The following CHI3L1 variants were observed in gnomAD, a reference collection of about 807,000 sequenced individuals.
The protein encoded by CHI3L1 is chitinase 3 like 1, also known as chitinase-3-like protein 1.
In CHI3L1, 30 loss-of-function variants were observed where a neutral mutation model predicts 40.7. The ratio of observed to expected loss-of-function variants is 0.74; its 90% CI spans 0.55 to 1.00. The LOEUF (loss-of-function observed/expected upper bound fraction) is 1.00. Among genes scored for constraint, CHI3L1 ranks in the 50% least tolerant of loss-of-function variants. The probability of loss-of-function intolerance (pLI) is 0.00; values close to 1 mark genes in which losing one functional copy is unlikely to be tolerated. For missense variants in CHI3L1, 493 were observed against 492.2 expected, an observed-to-expected ratio of 1.00 and a Z score of -0.01; for synonymous variants, 210 against 192.1, an observed-to-expected ratio of 1.09 and a Z score of -0.77.
At chr1:203,185,501 A>T in intron 2 of CHI3L1, 116 bp from the exon 3 acceptor site, 1 of 802,718 alleles carries the variant, frequency 1.2e-6, no homozygotes, top group South Asian at 1.6e-5. Flanking sequence ...TGGGGTGCAG[A>T]TTGTGAGCAA....
chr1:203,186,554 G>T, intron 1 of CHI3L1, 45 bp downstream of exon 1: 1 of 1,613,318 alleles, frequency 6.2e-7, no homozygotes. Context: ...GTCTGGGCCT[G>T]AAAACCCACA....
intron 7 of CHI3L1, among the ~76,000 whole-genome samples, chr1:203,180,945 C>T (rs2275351): frequency 0.28 from 42,973 of 152,162 alleles, 8,154 homozygotes; most frequent in African/African-American, 0.52. Context: ...TCTCCCCATT[C>T]GGCCCCCTGC....
rs1453974224 is a variant in CHI3L1 at position 203,185,332 on chromosome 1, C to T, written c.109G>A (p.Gly37Ser). The change falls in exon 3 of 10, where the codon GGC becomes AGC. Residue 37 changes from glycine (G) to serine (S), a missense_variant. Coordinates refer to ENST00000255409, the MANE Select transcript of CHI3L1 (RefSeq NM_001276.4). Reference sequence around the variant, plus strand: ...GCATCTGGGAAGCAGCTCCCATCGCCTTCCCGGTACTGGGACCAGCTGGTG... The same window carrying T: ...GCATCTGGGAAGCAGCTCCCATCGCTTTCCCGGTACTGGGACCAGCTGGTG... ...YYTSWSQYRE[G>S]DGSCFPDALD... 3.1e-6 allele frequency: 5 copies of T among 1,614,210 alleles called. No homozygotes were observed. Among genetic ancestry groups the T allele is most frequent in the Middle Eastern group, 1.7e-4 (1 of 6,056 alleles).
rs1655902289 is a variant in CHI3L1 at position 203,180,096 on chromosome 1, T to C, written c.895-219A>G. Reference sequence around the variant, plus strand: ...CCTTGGCCCTGCTTAGCTTCTTCCATTTAAACAGAGATGTGAGGCCTGCTG... The same window carrying C: ...CCTTGGCCCTGCTTAGCTTCTTCCACTTAAACAGAGATGTGAGGCCTGCTG... On this transcript the variant is annotated intron_variant, in intron 8 of 9. Transcript: ENST00000255409. 1.7e-5 allele frequency: 10 copies of C among 586,862 alleles called. No individual in the cohort carries two copies. In the South Asian group the frequency reaches 1.8e-4, roughly 11 times the overall value. 36.4% of individuals were successfully genotyped at this position (586,862 alleles called of 1,614,324 possible). A position where few individuals can be genotyped will look rare whatever the true frequency, so the allele number is the denominator to read the frequency against.
At chr1:203,184,537 T>G (rs989501233) in intron 4 of CHI3L1, 39 bp downstream of exon 4, 1 of 1,561,656 alleles carries the variant, frequency 6.4e-7, no homozygotes, top group Non-Finnish European at 8.8e-7. Flanking sequence ...TCCTATGCCA[T>G]CATCCTCTGC....
Position 203,185,234 on chromosome 1 carries a change from C to A in CHI3L1, c.207G>T (p.Trp69Cys), listed in dbSNP as rs527687380. ...CGTAGAGCGTCACATCATTCCACTC[C>A]CAGGTGTCGATGTGATCGTTGCTTA... Reference protein sequence around the residue: ...ANISNDHIDTWEWNDVTLYGM... With the variant: ...ANISNDHIDTCEWNDVTLYGM... Residue 69 changes from tryptophan (W) to cysteine (C), a missense_variant, in exon 3 of 10, where the codon TGG becomes TGT. Trp to Cys is a radical substitution (Grantham distance 215, BLOSUM62 -2). Coordinates refer to ENST00000255409, the MANE Select transcript of CHI3L1 (RefSeq NM_001276.4). 4.8e-5 allele frequency: 77 copies of A among 1,614,040 alleles called. No homozygotes were observed. The highest frequency in any genetic ancestry group is 6.2e-5 in the Non-Finnish European group (73 of 1,180,022).
At chr1:203,184,733 G>A in intron 3 of CHI3L1, 101 bp from the exon 4 acceptor site, 1 of 1,006,068 alleles carries the variant, frequency 9.9e-7, no homozygotes, top group Non-Finnish European at 1.6e-6. Flanking sequence ...TCCTGCTTTG[G>A]GTGAGAGGCT....
intron 4 of CHI3L1, among the ~76,000 whole-genome samples, 179 bp downstream of exon 4, chr1:203,184,397 C>T (rs542600374): frequency 2.0e-5 from 3 of 152,178 alleles, no homozygotes; most frequent in Non-Finnish European, 4.4e-5. Context: ...AAGTCCTGCT[C>T]TCTCTCTGGG....
intron 8 of CHI3L1, 159 bp downstream of exon 8, chr1:203,180,311 A>G (rs945276107): frequency 2.1e-5 from 14 of 672,894 alleles, no homozygotes; most frequent in African/African-American, 3.7e-5. Context: ...TTCAGCAACA[A>G]ATGTCCTAAC....
chr1:203,185,337 C>T lies in CHI3L1; in HGVS notation c.104G>A (p.Arg35Gln), dbSNP rs146010120. 1,883 of 1,614,138 alleles carry T rather than the reference C, an allele frequency of 1.2e-3. 3 individuals carry two copies. The highest frequency in any genetic ancestry group is 1.3e-3 in the Non-Finnish European group (1,502 of 1,180,024). ...VCYYTSWSQY[R>Q]EGDGSCFPDA... ...TGGGAAGCAGCTCCCATCGCCTTCC[C>T]GGTACTGGGACCAGCTGGTGTAGTA... Residue 35 changes from arginine to glutamine, a missense_variant, in exon 3 of 10, where the codon CGG (arginine) becomes CAG (glutamine). By Grantham distance (43) the Arg-to-Gln change is conservative. Transcript: ENST00000255409.
intron 8 of CHI3L1, chr1:203,180,252 C>G: frequency 1.7e-6 from 1 of 576,718 alleles, no homozygotes; most frequent in South Asian, 2.3e-5. Context: ...AGAGGGCTAT[C>G]CCAGGTGCCT....
chr1:203,186,489 C>A (rs1186380008), intron 1 of CHI3L1, 110 bp downstream of exon 1: 5 of 1,533,702 alleles, frequency 3.3e-6, no homozygotes, highest in Non-Finnish European at 3.6e-6. Flanking sequence ...GCTTCTCCTC[C>A]CCCTCTGCCC....
At chr1:203,180,924 G>A (rs367824402) in intron 7 of CHI3L1, among the ~76,000 whole-genome samples, 1 of 152,120 alleles carries the variant, frequency 6.6e-6, no homozygotes, top group African/African-American at 2.4e-5. Context: ...CTACCTCCTC[G>A]GCTCCCAGCC....
rs1341569753 is a variant in CHI3L1 at position 203,179,864 on chromosome 1, A to G, written c.908T>C (p.Leu303Pro). ...TLAYYEICDFLRGATVHRILG... is the reference protein window; with the variant it reads ...TLAYYEICDFPRGATVHRILG... Reference sequence around the variant, plus strand: ...GATTCTATGGACTGTGGCTCCGCGGAGGAAGTCACAGATCTGAGCAGATAA... The same window carrying G: ...GATTCTATGGACTGTGGCTCCGCGGGGGAAGTCACAGATCTGAGCAGATAA... The change falls in exon 9 of 10, where the codon CTC (leucine) becomes CCC (proline). Residue 303 changes from leucine (L) to proline (P), a missense_variant. Transcript: ENST00000255409. The G allele has an allele frequency of 6.2e-7, 1 of 1,614,050 alleles. No individual in the cohort carries two copies. Among genetic ancestry groups the G allele is most frequent in the Non-Finnish European group, 8.5e-7 (1 of 1,179,980 alleles).
At position 203,182,278 on chromosome 1, in the gene CHI3L1, C is replaced by T. The variant is rs55815825; in HGVS notation, c.587+453G>A. 3.5e-3 allele frequency: 569 copies of T among 164,544 alleles called. 3 individuals are homozygous for T. The highest frequency in any genetic ancestry group is 6.3e-3 in the Middle Eastern group (2 of 320). 10.2% of individuals were successfully genotyped at this position (164,544 alleles called of 1,614,324 possible). ...CATGAGGGGTGGGGTGAGGATGAGG[C>T]GTGGGGCCAACAGGAAAGGGGGAGG... is the stretch of plus-strand genomic sequence containing the variant. On this transcript the variant is annotated intron_variant, in intron 6 of 9. Coordinates refer to ENST00000255409, the MANE Select transcript of CHI3L1 (RefSeq NM_001276.4).
chr1:203,180,207 T>C (rs1004382610), intron 8 of CHI3L1: 4 of 563,738 alleles, frequency 7.1e-6, no homozygotes, highest in Non-Finnish European at 1.3e-5. Flanking sequence ...CTCTGCTCTT[T>C]CCTGGGCTGG....
chr1:203,181,494 A>G, intron 6 of CHI3L1: 2 of 421,310 alleles, frequency 4.7e-6, no homozygotes, highest in Non-Finnish European at 4.3e-6. Flanking sequence ...GGTGGCAGGC[A>G]CCTGTAATCC....
chr1:203,180,526 C>T lies in CHI3L1; in HGVS notation c.838G>A (p.Gly280Arg). The change falls in exon 8 of 10, where the codon GGA (glycine) becomes AGA (arginine). Residue 280 changes from glycine (G) to arginine (R), a missense_variant. Coordinates refer to ENST00000255409, the MANE Select transcript of CHI3L1 (RefSeq NM_001276.4). ...GTGAACCGGCCTGGAATTCCCGGTC[C>T]TGAGATTGGGGCTCCAACACCAGTC... Reference protein sequence around the residue: ...SETGVGAPISGPGIPGRFTKE... With the variant: ...SETGVGAPISRPGIPGRFTKE... 2 of 1,610,748 alleles carry T rather than the reference C, an allele frequency of 1.2e-6. No homozygotes were observed.
At chr1:203,183,565 G>C in intron 5 of CHI3L1, 76 bp downstream of exon 5, 1 of 1,505,574 alleles carries the variant, frequency 6.6e-7, no homozygotes, top group Non-Finnish European at 9.2e-7. Flanking sequence ...GAGGACAGCA[G>C]CTGACGCCGG....
Sources: allele counts gnomAD v4.1 joint callset (sites outside exome capture counted in the v4.1 genomes callset), GRCh38; gene constraint gnomAD v4.1.1; transcripts MANE v1.5; gene names NCBI Gene and HGNC (gene_info 2026-07-23, HGNC 2026-07-21).